AHRR: variants seen among roughly 807,000 people sequenced by gnomAD.
The protein encoded by AHRR is aryl hydrocarbon receptor repressor.
AHRR carries 28 observed loss-of-function variants against 44.0 expected under a neutral mutation model. The ratio of observed to expected loss-of-function variants is 0.64; its 90% CI spans 0.47 to 0.87. The LOEUF (loss-of-function observed/expected upper bound fraction) is 0.87, where lower values mean the gene tolerates loss of function less well. Ranked by LOEUF, AHRR falls within the 40% of genes least tolerant of loss-of-function variation. AHRR has a pLI of 0.00. For missense variants in AHRR, 990 were observed against 953.9 expected (o/e 1.04, Z -0.50); for synonymous variants, 434 against 407.0 (o/e 1.07, Z -0.80).
intron 10 of AHRR, 67 bp from the exon 11 acceptor site, chr5:433,786 C>T (rs1217755968): frequency 1.4e-6 from 2 of 1,422,832 alleles, no homozygotes; most frequent in Non-Finnish European, 1.8e-6. Context: ...CTTAGAGACC[C>T]CCACCCAGGG....
At position 434,874 on chromosome 5, in the gene AHRR, G is replaced by T. The variant is rs147640325; in HGVS notation, c.*40G>T. On this transcript the variant is annotated 3_prime_UTR_variant, in exon 11 of 11. Transcript: ENST00000684583. The stretch of plus-strand genomic sequence containing the variant: ...TCCAAGCTCAGATCTGTGTGTCTAC[G>T]CTCAGATGCGTCGGTGGCTGGGCTG... 7 of 1,505,934 alleles carry T rather than the reference G, an allele frequency of 4.6e-6. No homozygotes were observed. In the Admixed American group the frequency reaches 1.2e-4, roughly 26 times the overall value. 93.3% of individuals were successfully genotyped at this position (1,505,934 alleles called of 1,614,324 possible).
intron 3 of AHRR, among the ~76,000 whole-genome samples, chr5:369,450 C>G (rs1560894777): frequency 6.6e-6 from 1 of 152,248 alleles, no homozygotes; most frequent in Non-Finnish European, 1.5e-5. Context: ...GAGGCACATG[C>G]TCCTTGCAGA....
In AHRR at chr5:419,744, G is replaced by C. The variant is rs1387285375; in HGVS notation, c.442-2985G>C. 2.0e-5 allele frequency among the ~76,000 whole-genome samples: 3 copies of C among 152,118 alleles called. No individual in the cohort carries two copies. Among genetic ancestry groups the C allele is most frequent in the Non-Finnish European group, 4.4e-5 (3 of 68,002 alleles). ...GATGGGGTTGGTATTTCTGTTTGTT[G>C]CCAACCCCTGTTTACCGGAAGTGTC... On this transcript the variant is annotated intron_variant, in intron 5 of 10. Coordinates refer to ENST00000684583, the MANE Select transcript of AHRR (RefSeq NM_001377236.1). The surrounding 1 kb of genome is among the most constrained non-coding windows in gnomAD (Gnocchi z 4.4).
chr5:415,185 A>T (rs1046096961), intron 5 of AHRR, among the ~76,000 whole-genome samples: 4 of 152,246 alleles, frequency 2.6e-5, no homozygotes, highest in Non-Finnish European at 4.4e-5. Context: ...CACCGGCCCC[A>T]GGGGAAGCCC....
intron 3 of AHRR, 24 bp downstream of exon 3, chr5:353,935 C>A: frequency 1.9e-6 from 3 of 1,599,946 alleles, no homozygotes; most frequent in Non-Finnish European, 2.6e-6. Context: ...CTGCTCCCAC[C>A]TGTTCACTTG....
At chr5:328,766 AG>A (rs911571734) in intron 1 of AHRR, among the ~76,000 whole-genome samples, 53 of 152,140 alleles carry the variant, frequency 3.5e-4, no homozygotes, top group African/African-American at 1.2e-3. Context: ...CAATTGTTTG[AG>A]TTCCTCGTAT....
chr5:412,806 C>T (rs183020986), intron 4 of AHRR, among the ~76,000 whole-genome samples: 2 of 151,110 alleles, frequency 1.3e-5, no homozygotes, highest in Admixed American at 6.6e-5. Context: ...CTGCAACCTC[C>T]ACCTCCTGGG....
At chr5:425,150 A>G (rs1446581774) in intron 7 of AHRR, among the ~76,000 whole-genome samples, 5 of 152,210 alleles carry the variant, frequency 3.3e-5, no homozygotes, top group Non-Finnish European at 7.3e-5. Context: ...CCTTGGGTGC[A>G]GACGGTCCCC....
intron 4 of AHRR, among the ~76,000 whole-genome samples, chr5:398,087 C>T (rs1179660746): frequency 2.0e-4 from 28 of 141,686 alleles, no homozygotes; most frequent in African/African-American, 6.2e-4. Context: ...TCCACGTAGC[C>T]CCTGACCATC....
rs1320567966 is a variant in AHRR at position 411,460 on chromosome 5, T to C, written c.352-1884T>C. ...TCCTTGGCTGCCTAGGAGTCTTCAA[T>C]ACCAGTATTTCAAAAGCTCTTAGAA... is the stretch of plus-strand genomic sequence containing the variant. On this transcript the variant is annotated intron_variant, in intron 4 of 10. Transcript: ENST00000684583. The surrounding 1 kb of genome is among the most constrained non-coding windows in gnomAD (Gnocchi z 4.2). Among the ~76,000 whole-genome samples the C allele has an allele frequency of 6.6e-6, 1 of 152,116 alleles. No individual in the cohort carries two copies. Among genetic ancestry groups the C allele is most frequent in the Admixed American group, 6.5e-5 (1 of 15,276 alleles).
Position 370,163 on chromosome 5 carries a change from G to A in AHRR, c.245-6447G>A, listed in dbSNP as rs1180813095. On this transcript the variant is annotated intron_variant, in intron 3 of 10. Transcript: ENST00000684583. This position sits in a 1 kb window ranked among gnomAD's most constrained non-coding sequence, Gnocchi z 4.5. ...TGGTGCCCCGTCCTCCCGGGCCCTC[G>A]CTGGAAGCCCCGTCCTCCCGGGCCC... is the stretch of plus-strand genomic sequence containing the variant. Among the ~76,000 whole-genome samples, 1 of 140,188 alleles carries A rather than the reference G, an allele frequency of 7.1e-6. No homozygotes were observed. The highest frequency in any genetic ancestry group is 1.6e-5 in the Non-Finnish European group (1 of 64,130). The allele number at this position is 140,188 out of a possible 152,430, so 92.0% of individuals were successfully genotyped here.
Position 361,250 on chromosome 5 carries a change from GA to G in AHRR, c.244+7342del, listed in dbSNP as rs1393241419. ...GCAAGACTCCATCTCAAGAAACAGA[GA>G]AAGTGTTCTGGACGGACTTGCACGT... On this transcript the variant is annotated intron_variant, in intron 3 of 10. Transcript: ENST00000684583. 3.3e-5 allele frequency among the ~76,000 whole-genome samples: 5 copies of G among 152,236 alleles called. No individual in the cohort carries two copies. In the South Asian group the frequency reaches 6.2e-4, roughly 19 times the overall value.
chr5:413,682 G>A (rs935543196), intron 5 of AHRR, among the ~76,000 whole-genome samples: 1 of 152,126 alleles, frequency 6.6e-6, no homozygotes, highest in African/African-American at 2.4e-5. Context: ...CGTGGCGTGC[G>A]GACGGCAGCA....
Position 419,532 on chromosome 5 carries a change from G to C in AHRR, c.442-3197G>C, listed in dbSNP as rs1463644052. Among the ~76,000 whole-genome samples the C allele has an allele frequency of 3.9e-5, 6 of 152,156 alleles. No individual in the cohort carries two copies. Among genetic ancestry groups the C allele is most frequent in the Non-Finnish European group, 8.8e-5 (6 of 68,038 alleles). On this transcript the variant is annotated intron_variant, in intron 5 of 10. Coordinates refer to ENST00000684583, the MANE Select transcript of AHRR (RefSeq NM_001377236.1). This position sits in a 1 kb window ranked among gnomAD's most constrained non-coding sequence, Gnocchi z 4.4. ...ATTAGGGATGGCAGCAAGTGTAAGG[G>C]GAATGTTGCTTGCCTCTGGATGCTG...
Position 353,793 on chromosome 5 carries a change from C to G in AHRR, c.126C>G (p.Ala42=). The G allele has an allele frequency of 3.7e-6, 6 of 1,613,874 alleles. No homozygotes were observed. The highest frequency in any genetic ancestry group is 5.1e-6 in the Non-Finnish European group (6 of 1,179,996). ...AGCGACACCGGGACCGCCTCAACGC[C>G]GAGTTGGACCACCTGGCCAGCCTGC... is the stretch of plus-strand genomic sequence containing the variant. ...PSKRHRDRLN[A]ELDHLASLLP... The change falls in exon 3 of 11, where the codon GCC becomes GCG. Residue 42 remains alanine, a synonymous_variant. Coordinates refer to ENST00000684583, the MANE Select transcript of AHRR (RefSeq NM_001377236.1).
At chr5:421,087 C>G (rs1237188737) in intron 5 of AHRR, 1 of 543,652 alleles carries the variant, frequency 1.8e-6, no homozygotes, top group African/African-American at 2.0e-5. Context: ...GGGAAAAGGA[C>G]AAACATTGGC....
At chr5:344,328 CGGAG>C (rs1742489753) in intron 2 of AHRR, among the ~76,000 whole-genome samples, 1 of 149,984 alleles carries the variant, frequency 6.7e-6, no homozygotes, top group Non-Finnish European at 1.5e-5. Context: ...CCCGCTGGGA[CGGAG>C]GGTGTGGCAC....
intron 8 of AHRR, among the ~76,000 whole-genome samples, chr5:431,540 G>A (rs1273368529): frequency 6.6e-6 from 1 of 152,192 alleles, no homozygotes; most frequent in Non-Finnish European, 1.5e-5. Context: ...GGTGCAAGAT[G>A]CAAGGTGCAT....
chr5:427,828 C>T lies in AHRR; in HGVS notation c.730C>T (p.Leu244=), dbSNP rs747140664. 6.2e-7 allele frequency: 1 copy of T among 1,614,206 alleles called. No homozygotes were observed. Among genetic ancestry groups the T allele is most frequent in the South Asian group, 1.1e-5 (1 of 91,088 alleles). Residue 244 remains leucine, a synonymous_variant, in exon 8 of 11, where the codon CTA becomes TTA. Coordinates refer to ENST00000684583, the MANE Select transcript of AHRR (RefSeq NM_001377236.1). ...GFLTMQFQGK[L]KFLFGQKKKA... ...CCAGACGATGCAGTTTCAAGGAAAA[C>T]TAAAATTCCTGTTTGGACAGAAGAA...
Sources: allele counts gnomAD v4.1 joint callset (sites outside exome capture counted in the v4.1 genomes callset), GRCh38; gene constraint gnomAD v4.1.1; non-coding constraint Gnocchi (gnomAD v3.1); transcripts MANE v1.5; gene names NCBI Gene and HGNC (gene_info 2026-07-23, HGNC 2026-07-21).